STIM1: variants seen among roughly 807,000 people sequenced by gnomAD.
The protein encoded by STIM1 is stromal interaction molecule 1.
Under a neutral mutation model 74.7 loss-of-function variants are expected in STIM1, and 25 were observed. The ratio of observed to expected loss-of-function variants is 0.33; its 90% CI spans 0.24 to 0.47. The LOEUF (loss-of-function observed/expected upper bound fraction) is 0.47. Ranked by LOEUF, STIM1 falls within the 20% of genes least tolerant of loss-of-function variation. The pLI is 1.00. For synonymous variants in STIM1, 328 were observed against 348.8 expected (o/e 0.94, Z 0.66); for missense variants, 728 against 920.8 (o/e 0.79, Z 2.71).
chr11:4,066,474 A>G (rs909444336), intron 5 of STIM1, among the ~76,000 whole-genome samples: 2 of 152,138 alleles, frequency 1.3e-5, no homozygotes, highest in Non-Finnish European at 2.9e-5. Flanking sequence ...TGCTAAGAGT[A>G]TGGGGCTACA....
At chr11:4,080,701 A>T (rs1309959926) in intron 7 of STIM1, among the ~76,000 whole-genome samples, 1 of 152,102 alleles carries the variant, frequency 6.6e-6, no homozygotes, top group Non-Finnish European at 1.5e-5. Context: ...CCTGGGCTCA[A>T]GTGATCCTCC....
intron 1 of STIM1, among the ~76,000 whole-genome samples, chr11:3,873,847 A>C (rs560044716): frequency 6.6e-6 from 1 of 152,110 alleles, no homozygotes; most frequent in Non-Finnish European, 1.5e-5. Context: ...TTCCCCAAAG[A>C]ATTCAGTGAT....
chr11:3,863,220 A>ATG (rs56737126), intron 1 of STIM1, among the ~76,000 whole-genome samples: 1,845 of 125,854 alleles, frequency 0.015, 21 homozygotes, highest in African/African-American at 0.025. Context: ...GAGACAATGC[A>ATG]TGTGTGTGTG....
intron 2 of STIM1, among the ~76,000 whole-genome samples, chr11:3,971,839 A>T (rs1813314833): frequency 6.6e-6 from 1 of 152,206 alleles, no homozygotes. Flanking sequence ...GCCACCTCAA[A>T]ATGGAAACAG....
chr11:4,076,905 T>C (rs1270275099), intron 7 of STIM1, among the ~76,000 whole-genome samples: 1 of 151,826 alleles, frequency 6.6e-6, no homozygotes, highest in East Asian at 1.9e-4. Context: ...GCTGTGTGGG[T>C]GTAGTCCTTT....
chr11:3,927,175 C>G (rs1335551726), intron 1 of STIM1, among the ~76,000 whole-genome samples: 1 of 152,312 alleles, frequency 6.6e-6, no homozygotes, highest in South Asian at 2.1e-4. Context: ...GAATATTTAT[C>G]TTTGAGCAGA....
chr11:3,946,360 C>T (rs940795358), intron 1 of STIM1, among the ~76,000 whole-genome samples: 5 of 152,092 alleles, frequency 3.3e-5, no homozygotes, highest in African/African-American at 1.2e-4. Flanking sequence ...CGTCTCCATA[C>T]CTGTTGGCTG....
intron 8 of STIM1, 124 bp downstream of exon 8, chr11:4,082,475 G>A (rs1269148433): frequency 9.2e-7 from 1 of 1,084,198 alleles, no homozygotes; most frequent in Non-Finnish European, 1.4e-6. Context: ...CCTGGTGGTG[G>A]GTTCTGTTTC....
chr11:3,945,198 C>T (rs1215955475), intron 1 of STIM1, among the ~76,000 whole-genome samples: 1 of 152,186 alleles, frequency 6.6e-6, no homozygotes, highest in Non-Finnish European at 1.5e-5. Context: ...TGGCAACTGC[C>T]TCACTGGCAG....
chr11:4,014,311 A>G (rs1022413858), intron 2 of STIM1, among the ~76,000 whole-genome samples: 1 of 152,194 alleles, frequency 6.6e-6, no homozygotes, highest in Non-Finnish European at 1.5e-5. Flanking sequence ...TTATTTATCC[A>G]GTAGTCCTTC....
At chr11:3,997,798 G>A (rs12284835) in intron 2 of STIM1, among the ~76,000 whole-genome samples, 12,163 of 152,192 alleles carry the variant, frequency 0.08, 491 homozygotes, top group African/African-American at 0.098. Flanking sequence ...AGAGGAGGGA[G>A]GGTCTTGCAT....
chr11:3,969,050 A>G (rs1051438758), intron 2 of STIM1, among the ~76,000 whole-genome samples: 5 of 152,184 alleles, frequency 3.3e-5, no homozygotes, highest in African/African-American at 4.8e-5. Flanking sequence ...ACCAGGTCCA[A>G]AGTAAAGTGG....
intron 2 of STIM1, among the ~76,000 whole-genome samples, chr11:4,003,426 G>T (rs1366200944): frequency 1.3e-5 from 2 of 150,484 alleles, no homozygotes; most frequent in Admixed American, 1.3e-4. Context: ...ATGCAAGGCT[G>T]GTTCAATATA....
chr11:3,957,344 C>A (rs1160340767), intron 1 of STIM1, among the ~76,000 whole-genome samples: 5 of 151,972 alleles, frequency 3.3e-5, no homozygotes, highest in Admixed American at 3.3e-4. Context: ...GCAGCCTCTG[C>A]CTCCTGGTTT....
intron 1 of STIM1, among the ~76,000 whole-genome samples, chr11:3,938,549 T>A (rs1307456300): frequency 6.6e-6 from 1 of 152,120 alleles, no homozygotes; most frequent in African/African-American, 2.4e-5. Flanking sequence ...ACTGACAGTT[T>A]TAAAATGACA....
intron 3 of STIM1, among the ~76,000 whole-genome samples, chr11:4,042,520 T>G (rs1252904069): frequency 6.6e-6 from 1 of 152,210 alleles, no homozygotes; most frequent in Non-Finnish European, 1.5e-5. Flanking sequence ...CCTAGAGTGG[T>G]GCCTGGCAAG....
At chr11:4,002,416 A>T (rs1476763346) in intron 2 of STIM1, among the ~76,000 whole-genome samples, 1 of 152,214 alleles carries the variant, frequency 6.6e-6, no homozygotes, top group African/African-American at 2.4e-5. Context: ...TCAAACTAGA[A>T]CTCAGGATTA....
At chr11:3,945,583 A>G (rs532363753) in intron 1 of STIM1, among the ~76,000 whole-genome samples, 27 of 152,306 alleles carry the variant, frequency 1.8e-4, no homozygotes, top group Non-Finnish European at 2.9e-4. Context: ...TGGGCGACAC[A>G]GTAAGACTCT....
In STIM1 at chr11:3,856,281, G is replaced by A; in HGVS notation, c.11G>A (p.Cys4Tyr). 1 of 1,614,158 alleles carries A rather than the reference G, an allele frequency of 6.2e-7. No homozygotes were observed. The highest frequency in any genetic ancestry group is 8.5e-7 in the Non-Finnish European group (1 of 1,180,032). The change falls in exon 1 of 13, where the codon TGC becomes TAC. Residue 4 changes from cysteine to tyrosine, a missense_variant. Around this residue, in one of 5 missense-constraint regions of STIM1, gnomAD observed 62 missense variants for 55.5 expected, o/e 1.12. Transcript: ENST00000526596. Reference protein sequence around the residue: MDVCVRLALWLLWG... With the variant: MDVYVRLALWLLWG... The stretch of plus-strand genomic sequence containing the variant: ...CTGAGACCTAGAGTCATGGATGTAT[G>A]CGTCCGTCTTGCCCTGTGGCTCCTC...
Sources: allele counts gnomAD v4.1 joint callset (sites outside exome capture counted in the v4.1 genomes callset), GRCh38; gene constraint gnomAD v4.1.1; regional missense constraint gnomAD v4.1.1; transcripts MANE v1.5; gene names NCBI Gene and HGNC (gene_info 2026-07-23, HGNC 2026-07-21).